The following GPHN variants were observed in gnomAD, a reference collection of about 807,000 sequenced individuals.
The protein encoded by GPHN is gephyrin.
Under a neutral mutation model 95.5 loss-of-function variants are expected in GPHN, and 17 were observed. The observed-to-expected ratio is 0.18, with a 90% CI of 0.12 to 0.27. The LOEUF is 0.27. Ranked by LOEUF, GPHN falls within the 10% of genes least tolerant of loss-of-function variation. The pLI, the probability that GPHN is intolerant of heterozygous loss-of-function variation, is 1.00. For synonymous variants in GPHN, 320 were observed against 322.5 expected (o/e 0.99, Z 0.08); for missense variants, 660 against 978.1 (o/e 0.67, Z 4.34).
intron 1 of GPHN, among the ~76,000 whole-genome samples, chr14:66,509,667 G>T (rs561933589): frequency 1.3e-5 from 2 of 152,272 alleles, no homozygotes; most frequent in South Asian, 4.1e-4. Context: ...GGCTTAGTTT[G>T]GAGTGAAGGA....
At chr14:67,390,815 T>C in the GPHN span, 1 of 1,097,276 alleles carries the variant, frequency 9.1e-7, no homozygotes, top group South Asian at 1.2e-5. Flanking sequence ...TATCTATGCA[T>C]GTAATGCCAA....
At chr14:66,707,547 A>G (rs1035183469) in intron 2 of GPHN, among the ~76,000 whole-genome samples, 2 of 152,192 alleles carry the variant, frequency 1.3e-5, no homozygotes, top group African/African-American at 4.8e-5. Context: ...CATCATCCTC[A>G]GCAAACTTAA....
chr14:67,076,501 C>T (rs894840244), intron 11 of GPHN, among the ~76,000 whole-genome samples: 14 of 152,096 alleles, frequency 9.2e-5, no homozygotes, highest in Admixed American at 2.0e-4. Context: ...GTACATGCTT[C>T]ACCTTTCATA....
chr14:67,311,738 G>T, the GPHN span, among the ~76,000 whole-genome samples: 1 of 152,126 alleles, frequency 6.6e-6, no homozygotes, highest in African/African-American at 2.4e-5. Flanking sequence ...ACAATTCTTT[G>T]ATTTATTCTG....
intron 17 of GPHN, among the ~76,000 whole-genome samples, chr14:67,122,621 G>A (rs2079075895): frequency 6.6e-6 from 1 of 152,164 alleles, no homozygotes; most frequent in African/African-American, 2.4e-5. Context: ...TTCAAAGGAT[G>A]TTTTTGTAAT....
the GPHN span, among the ~76,000 whole-genome samples, chr14:67,683,497 A>T: frequency 6.6e-4 from 100 of 152,354 alleles, no homozygotes; most frequent in Non-Finnish European, 1.3e-3. Flanking sequence ...TCTTTGGCTG[A>T]ACATTCTACT....
the GPHN span, among the ~76,000 whole-genome samples, chr14:67,231,054 C>T: frequency 6.6e-6 from 1 of 152,102 alleles, no homozygotes; most frequent in South Asian, 2.1e-4. Flanking sequence ...TACAGGGTTC[C>T]GTACCATCCA....
the GPHN span, among the ~76,000 whole-genome samples, chr14:67,568,133 C>A: frequency 3.9e-5 from 6 of 152,108 alleles, no homozygotes; most frequent in Non-Finnish European, 8.8e-5. Context: ...AAAAACGTGC[C>A]CTAAGTTCCC....
rs1176507321 is a variant in GPHN, at chr14:66,539,304, C to G, written c.64+30713C>G. Among the ~76,000 whole-genome samples, 3 of 151,978 alleles carry G rather than the reference C, an allele frequency of 2.0e-5. No homozygotes were observed. The East Asian group carries it at 5.8e-4, about 29-fold the overall frequency. ...TCTGCCCTTCTAGCACGTCTCCCAGCCTCCTTCATTACTTAGAATTCAGCA... is the reference window on the plus strand; with the variant it reads ...TCTGCCCTTCTAGCACGTCTCCCAGGCTCCTTCATTACTTAGAATTCAGCA... On this transcript the variant is annotated intron_variant, in intron 1 of 22. Transcript: ENST00000478722.
chr14:66,817,339 G>T (rs76945470), intron 3 of GPHN, among the ~76,000 whole-genome samples: 4 of 151,956 alleles, frequency 2.6e-5, no homozygotes. Context: ...TTAAGACTTT[G>T]TGCCAATTTA....
the GPHN span, among the ~76,000 whole-genome samples, chr14:67,694,491 T>C: frequency 0.22 from 20,988 of 94,538 alleles, 1,583 homozygotes; most frequent in Non-Finnish European, 0.29. Context: ...CACACACACA[T>C]ATATATATAT....
At chr14:66,833,753 C>G (rs1450242977) in intron 4 of GPHN, among the ~76,000 whole-genome samples, 1 of 151,952 alleles carries the variant, frequency 6.6e-6, no homozygotes, top group African/African-American at 2.4e-5. Flanking sequence ...GAGAGGCACA[C>G]AATTCCAATT....
chr14:66,755,693 C>G (rs1221539870), intron 2 of GPHN, among the ~76,000 whole-genome samples: 1 of 152,030 alleles, frequency 6.6e-6, no homozygotes, highest in Non-Finnish European at 1.5e-5. Flanking sequence ...GACCCATGAA[C>G]ATCATCAACC....
At chr14:66,819,498 A>G (rs1203414587) in intron 3 of GPHN, among the ~76,000 whole-genome samples, 6 of 152,066 alleles carry the variant, frequency 3.9e-5, no homozygotes, top group African/African-American at 7.2e-5. Context: ...AGGGTTCTCT[A>G]TTCTGTTCCA....
At chr14:67,373,873 GTCTT>G in the GPHN span, among the ~76,000 whole-genome samples, 4 of 148,796 alleles carry the variant, frequency 2.7e-5, no homozygotes, top group African/African-American at 7.6e-5. Flanking sequence ...GTGTGTGTGT[GTCTT>G]CTGTGACGAT....
the GPHN span, chr14:67,304,050 G>A: frequency 1.3e-5 from 2 of 154,322 alleles, no homozygotes; most frequent in Admixed American, 6.4e-5. Context: ...TTACAGGTGT[G>A]AGCCTTCACA....
At chr14:67,355,603 A>C in the GPHN span, among the ~76,000 whole-genome samples, 1 of 152,100 alleles carries the variant, frequency 6.6e-6, no homozygotes, top group Non-Finnish European at 1.5e-5. Flanking sequence ...AGCCTCTCTT[A>C]AGAGACTAGA....
At chr14:67,071,060 T>TG (rs1428490592) in intron 11 of GPHN, among the ~76,000 whole-genome samples, 1 of 152,136 alleles carries the variant, frequency 6.6e-6, no homozygotes, top group East Asian at 1.9e-4. Context: ...TCAACCATTG[T>TG]GGAAGATAGT....
At chr14:66,606,139 A>G (rs1314559713) in intron 1 of GPHN, among the ~76,000 whole-genome samples, 3 of 152,100 alleles carry the variant, frequency 2.0e-5, no homozygotes, top group African/African-American at 7.2e-5. Flanking sequence ...TTATCTTTAC[A>G]TCTTTAATCC....
Sources: gnomAD v4.1 joint callset for allele counts (sites outside exome capture counted in the v4.1 genomes callset) on GRCh38, gnomAD v4.1.1 for gene constraint, MANE v1.5 for transcripts, NCBI Gene and HGNC (gene_info 2026-07-23, HGNC 2026-07-21) for gene names.